CIT: variants seen among roughly 807,000 people sequenced by gnomAD.
CIT encodes the protein citron Rho-interacting kinase.
Under a neutral mutation model 272.7 loss-of-function variants are expected in CIT, and 79 were observed. The ratio of observed to expected loss-of-function variants is 0.29; its 90% CI spans 0.24 to 0.35. CIT has a LOEUF of 0.35. Among genes scored for constraint, CIT ranks in the 10% least tolerant of loss-of-function variants. The probability of loss-of-function intolerance (pLI) is 1.00; values close to 1 mark genes in which losing one functional copy is unlikely to be tolerated. For synonymous variants in CIT, 948 were observed against 995.6 expected, an observed-to-expected ratio of 0.95 and a Z score of 0.90; for missense variants, 1,909 against 2,618.3, an observed-to-expected ratio of 0.73 and a Z score of 5.91.
intron 46 of CIT, among the ~76,000 whole-genome samples, chr12:119,691,643 G>T (rs760453788): frequency 3.3e-5 from 5 of 152,108 alleles, no homozygotes; most frequent in Non-Finnish European, 7.4e-5. Context: ...AAAACACTGC[G>T]GCCTTTTTGT....
At chr12:119,735,907 GAAACTCAGAAAAACCCTGA>G (rs144400481) in intron 24 of CIT, among the ~76,000 whole-genome samples, 3,730 of 152,244 alleles carry the variant, frequency 0.025, 61 homozygotes, top group Non-Finnish European at 0.031. Context: ...AAACTTCAGG[GAAACTCAGAAAAACCCTGA>G]AAATACAATA....
chr12:119,752,172 G>A lies in CIT; in HGVS notation c.2782C>T (p.Arg928Cys), dbSNP rs1211279223. Reference protein sequence around the residue: ...LTELQLSLQERESQLTALQAA... With the variant: ...LTELQLSLQECESQLTALQAA... ...TGCAGGGCTGTCAACTGTGACTCGC[G>A]CTCCTGCAGGGAGAGCTGTAGCTCT... The change falls in exon 23 of 48, where the codon CGC becomes TGC. Residue 928 changes from arginine to cysteine, a missense_variant. Physicochemically the swap from Arg to Cys is radical, Grantham distance 180. Coordinates refer to ENST00000392521, the MANE Select transcript of CIT (RefSeq NM_001206999.2). 4 of 1,612,392 alleles carry A rather than the reference G, an allele frequency of 2.5e-6. No homozygotes were observed. The highest frequency in any genetic ancestry group is 1.1e-5 in the South Asian group (1 of 91,048).
chr12:119,706,578 G>T (rs1439878235), intron 40 of CIT, among the ~76,000 whole-genome samples: 1 of 152,112 alleles, frequency 6.6e-6, no homozygotes, highest in Non-Finnish European at 1.5e-5. Flanking sequence ...TTAGGATAAT[G>T]GCCTACAGCT....
At chr12:119,767,048 A>G (rs756604978) in intron 19 of CIT, 39 bp downstream of exon 19, 9 of 1,518,022 alleles carry the variant, frequency 5.9e-6, no homozygotes, top group Non-Finnish European at 7.2e-6. Flanking sequence ...ACATGGTACT[A>G]TAGGAGCAAG....
chr12:119,842,154 G>A (rs533480521), intron 5 of CIT, among the ~76,000 whole-genome samples: 7 of 152,176 alleles, frequency 4.6e-5, no homozygotes, highest in Admixed American at 6.5e-5. Context: ...ACTTTGGGAC[G>A]CCAAGGCAGG....
At chr12:119,861,138 C>A (rs1043684500) in intron 3 of CIT, among the ~76,000 whole-genome samples, 8 of 150,692 alleles carry the variant, frequency 5.3e-5, no homozygotes, top group Admixed American at 4.0e-4. Context: ...AAAAAAAAAA[C>A]TTCACAACTT....
At chr12:119,853,691 C>T (rs1970383305) in intron 4 of CIT, among the ~76,000 whole-genome samples, 1 of 152,094 alleles carries the variant, frequency 6.6e-6, no homozygotes. Context: ...ATTTGGGAAA[C>T]ACCAACATAA....
At chr12:119,759,864 A>G (rs1961528261) in intron 20 of CIT, among the ~76,000 whole-genome samples, 1 of 151,960 alleles carries the variant, frequency 6.6e-6, no homozygotes, top group African/African-American at 2.4e-5. Context: ...CTAACTAAAA[A>G]TTTAATTTCC....
At chr12:119,730,681 G>A in intron 26 of CIT, 51 bp from the exon 27 acceptor site, 1 of 1,585,330 alleles carries the variant, frequency 6.3e-7, no homozygotes, top group Non-Finnish European at 8.6e-7. Flanking sequence ...CAGCTGACCT[G>A]CGGAAAGAAG....
intron 9 of CIT, among the ~76,000 whole-genome samples, chr12:119,815,663 G>A (rs1235095775): frequency 1.1e-4 from 17 of 151,796 alleles, no homozygotes; most frequent in African/African-American, 3.1e-4. Context: ...CCGAGATCAC[G>A]CCATTGCACT....
At chr12:119,819,550 A>G (rs1289307485) in intron 9 of CIT, among the ~76,000 whole-genome samples, 1 of 152,230 alleles carries the variant, frequency 6.6e-6, no homozygotes, top group Non-Finnish European at 1.5e-5. Context: ...GTTAAGCAGT[A>G]CTTCCTTTCA....
intron 8 of CIT, among the ~76,000 whole-genome samples, chr12:119,823,369 A>G (rs979856653): frequency 6.6e-6 from 1 of 152,034 alleles, no homozygotes; most frequent in African/African-American, 2.4e-5. Flanking sequence ...TTCCCTCTGC[A>G]CTCTACTTTT....
intron 44 of CIT, chr12:119,699,729 C>T (rs1365274005): frequency 2.2e-6 from 1 of 449,458 alleles, no homozygotes; most frequent in Non-Finnish European, 4.5e-6. Flanking sequence ...AGTGGCCCTG[C>T]TGATACCACA....
intron 3 of CIT, among the ~76,000 whole-genome samples, chr12:119,861,565 C>G (rs1047090025): frequency 6.9e-6 from 1 of 145,250 alleles, no homozygotes; most frequent in African/African-American, 2.6e-5. Context: ...CCAACCTGGG[C>G]AACAAGAGCG....
Position 119,695,969 on chromosome 12 carries a change from C to A in CIT, c.5882+1690G>T, listed in dbSNP as rs142428413. The stretch of plus-strand genomic sequence containing the variant: ...AGCTTGAACATGTGCAGTACAAACA[C>A]AATTATTTTTTCAAATATTTTCAAT... On this transcript the variant is annotated intron_variant, in intron 46 of 47. Transcript: ENST00000392521. Among the ~76,000 whole-genome samples the A allele has an allele frequency of 5.9e-5, 9 of 152,288 alleles. No individual in the cohort carries two copies. The East Asian group carries it at 1.5e-3, about 26-fold the overall frequency.
chr12:119,811,771 G>GT (rs917673996), intron 9 of CIT, among the ~76,000 whole-genome samples: 8 of 152,038 alleles, frequency 5.3e-5, no homozygotes, highest in Non-Finnish European at 1.2e-4. Flanking sequence ...GCTTTACTTT[G>GT]TTTTTTTCTC....
At chr12:119,767,065 G>T in intron 19 of CIT, 22 bp downstream of exon 19, 1 of 1,585,394 alleles carries the variant, frequency 6.3e-7, no homozygotes, top group Non-Finnish European at 8.6e-7. Flanking sequence ...CAAGGCCAGG[G>T]AAGATCAGAA....
chr12:119,764,859 T>G (rs1297939046), intron 19 of CIT, among the ~76,000 whole-genome samples: 1 of 152,044 alleles, frequency 6.6e-6, no homozygotes. Flanking sequence ...TAGGCTGGAG[T>G]GCAGTGGTGA....
chr12:119,787,910 C>CAGCACAGTGCCT (rs1964953006), intron 10 of CIT, among the ~76,000 whole-genome samples: 1 of 152,124 alleles, frequency 6.6e-6, no homozygotes. Flanking sequence ...GTAATGCTGT[C>CAGCACAGTGCCT]AGCACAGTGC....
Sources: allele counts gnomAD v4.1 joint callset (sites outside exome capture counted in the v4.1 genomes callset), GRCh38; gene constraint gnomAD v4.1.1; transcripts MANE v1.5; gene names NCBI Gene and HGNC (gene_info 2026-07-23, HGNC 2026-07-21).